RNF38: variants seen among roughly 807,000 people sequenced by gnomAD.
RNF38 encodes ring finger protein 38.
RNF38 carries 15 observed loss-of-function variants against 67.2 expected under a neutral mutation model. The observed-to-expected ratio is 0.22, with a 90% CI of 0.15 to 0.34. The LOEUF is 0.34. Ranked by LOEUF, RNF38 falls within the 10% of genes least tolerant of loss-of-function variation. RNF38 has a pLI of 1.00. For synonymous variants in RNF38, 220 were observed against 218.8 expected (o/e 1.01, Z -0.05); for missense variants, 524 against 639.9 (o/e 0.82, Z 1.95).
At position 36,465,773 on chromosome 9, in the gene RNF38, G is replaced by A. The variant is rs1262883886; in HGVS notation, n.241+21535C>T. Among the ~76,000 whole-genome samples the A allele has an allele frequency of 7.2e-5, 11 of 152,226 alleles. No homozygotes were observed. In the East Asian group the frequency reaches 7.7e-4, roughly 11 times the overall value. ...TACAAAAAGTAACAAAGTGCTGGCCGGGCGCGGTGGCTCACGCCTGTAATC... is the reference window on the plus strand; with the variant it reads ...TACAAAAAGTAACAAAGTGCTGGCCAGGCGCGGTGGCTCACGCCTGTAATC... On this transcript the variant is annotated intron_variant and non_coding_transcript_variant, in intron 1 of 3. Coordinates refer to the RNF38 transcript ENST00000488058.
intron 1 of RNF38, among the ~76,000 whole-genome samples, chr9:36,482,090 G>C (rs972296257): frequency 1.2e-4 from 11 of 93,874 alleles, no homozygotes; most frequent in Non-Finnish European, 2.0e-4. Context: ...TTTCGCTCTT[G>C]TTGCCCAGGC....
Position 36,365,688 on chromosome 9 carries a change from C to T in RNF38, c.570+4031G>A, listed in dbSNP as rs1256686155. On this transcript the variant is annotated intron_variant, in intron 4 of 11. Coordinates refer to ENST00000259605, the MANE Select transcript of RNF38 (RefSeq NM_022781.5). ...TTTTTTTTTTTTTTTTTTTTTGAGA[C>T]GGAGCCTTGCTCTGTGGCCCAGACT... Among the ~76,000 whole-genome samples the T allele has an allele frequency of 1.5e-4, 9 of 60,666 alleles. No individual in the cohort carries two copies. The South Asian group carries it at 1.6e-3, about 11-fold the overall frequency. The allele number at this position is 60,666 out of a possible 152,430, so 39.8% of individuals were successfully genotyped here. A position where few individuals can be genotyped will look rare whatever the true frequency, so the allele number is the denominator to read the frequency against.
At chr9:36,392,722 A>G (rs2134043679) in intron 1 of RNF38, among the ~76,000 whole-genome samples, 1 of 152,354 alleles carries the variant, frequency 6.6e-6, no homozygotes, top group Admixed American at 6.5e-5. Context: ...CTATGACTGC[A>G]ATACTATACT....
intron 6 of RNF38, among the ~76,000 whole-genome samples, 185 bp from the exon 7 acceptor site, chr9:36,353,516 C>T (rs1833856000): frequency 6.6e-6 from 1 of 152,066 alleles, no homozygotes; most frequent in South Asian, 2.1e-4. Context: ...GTAAAATCTT[C>T]CTAACTTTGA....
At chr9:36,468,361 A>C (rs1432503154) in intron 1 of RNF38, among the ~76,000 whole-genome samples, 1 of 152,164 alleles carries the variant, frequency 6.6e-6, no homozygotes, top group Non-Finnish European at 1.5e-5. Context: ...TGAGAGGTGA[A>C]GGGATAAATA....
chr9:36,457,476 G>A (rs776189990), intron 1 of RNF38, among the ~76,000 whole-genome samples: 25 of 152,164 alleles, frequency 1.6e-4, no homozygotes, highest in Non-Finnish European at 3.4e-4. Flanking sequence ...GAAAGTCTGC[G>A]ATGGGCACAG....
chr9:36,389,419 G>A (rs556043187), intron 2 of RNF38, among the ~76,000 whole-genome samples: 23 of 151,444 alleles, frequency 1.5e-4, no homozygotes, highest in Non-Finnish European at 3.2e-4. Flanking sequence ...CAAATACATA[G>A]TAGACAAGAT....
chr9:36,417,253 C>T (rs1196449746), intron 2 of RNF38, among the ~76,000 whole-genome samples: 2 of 152,110 alleles, frequency 1.3e-5, no homozygotes, highest in Non-Finnish European at 2.9e-5. Context: ...CGACAAGCCG[C>T]TTATTTCAAA....
rs150860088 is a variant in RNF38, at chr9:36,385,439, C to T, written c.162+5028G>A. ...TGTCATCCAGGCTGGAGTGCAATGG[C>T]GCGATCTCGGCTCACAGTAACCTCC... On this transcript the variant is annotated intron_variant, in intron 2 of 11. Coordinates refer to ENST00000259605, the MANE Select transcript of RNF38 (RefSeq NM_022781.5). Among the ~76,000 whole-genome samples, 20 of 149,568 alleles carry T rather than the reference C, an allele frequency of 1.3e-4. 1 individual carries two copies. In the East Asian group the frequency reaches 3.8e-3, roughly 28 times the overall value.
At chr9:36,429,994 A>C (rs754332335) in intron 1 of RNF38, among the ~76,000 whole-genome samples, 145 of 152,224 alleles carry the variant, frequency 9.5e-4, no homozygotes, top group Admixed American at 2.9e-3. Context: ...CTTGGTTATT[A>C]ATTTTATAAA....
At chr9:36,372,447 C>T (rs1587537633) in intron 3 of RNF38, 2 of 642,666 alleles carry the variant, frequency 3.1e-6, no homozygotes, top group South Asian at 1.8e-5. Context: ...TTAATAGTAT[C>T]CCTCTTTCAC....
At chr9:36,400,327 T>A (rs987197338), upstream of RNF38, 65 of 1,250,832 alleles carry the variant, frequency 5.2e-5, no homozygotes, top group Non-Finnish European at 6.1e-5. Context: ...TCATTTCACC[T>A]GCGTCTCGGC....
chr9:36,463,677 C>T (rs1285088574), intron 1 of RNF38, among the ~76,000 whole-genome samples: 2 of 152,144 alleles, frequency 1.3e-5, no homozygotes, highest in African/African-American at 4.8e-5. Context: ...GTACATATTA[C>T]ATTTGAACAA....
intron 9 of RNF38, 72 bp downstream of exon 9, chr9:36,351,043 T>TA (rs1408032948): frequency 9.0e-7 from 1 of 1,116,898 alleles, no homozygotes; most frequent in Non-Finnish European, 1.3e-6. Context: ...ACCTGTGGTT[T>TA]AAAGAGTTAA....
At chr9:36,420,547 A>AAAAAAAAAAAAAAAAAAAAAG (rs1838597781) in intron 2 of RNF38, among the ~76,000 whole-genome samples, 1 of 150,402 alleles carries the variant, frequency 6.6e-6, no homozygotes, top group African/African-American at 2.4e-5. Flanking sequence ...AAAAAAAAAA[A>AAAAAAAAAAAAAAAAAAAAAG]GAGGACAACC....
intron 1 of RNF38, among the ~76,000 whole-genome samples, chr9:36,449,700 G>T (rs1274460630): frequency 6.6e-6 from 1 of 152,134 alleles, no homozygotes; most frequent in African/African-American, 2.4e-5. Context: ...CTCCCAAAGT[G>T]CTGGGATTAC....
At chr9:36,398,394 C>T (rs1837709865) in intron 1 of RNF38, among the ~76,000 whole-genome samples, 1 of 152,084 alleles carries the variant, frequency 6.6e-6, no homozygotes, top group Non-Finnish European at 1.5e-5. Flanking sequence ...CATAGCAAAA[C>T]CCGTTTCTGG....
intron 2 of RNF38, among the ~76,000 whole-genome samples, chr9:36,377,760 A>T (rs548443277): frequency 6.2e-4 from 95 of 152,298 alleles, no homozygotes; most frequent in African/African-American, 2.1e-3. Context: ...ATATACTTTA[A>T]ATCTCTAGAT....
chr9:36,448,968 T>C (rs917342730), intron 1 of RNF38, among the ~76,000 whole-genome samples: 2 of 152,014 alleles, frequency 1.3e-5, no homozygotes, highest in Non-Finnish European at 2.9e-5. Flanking sequence ...CACTCCAGCC[T>C]GGGCGACAAA....
Sources: gnomAD v4.1 joint callset for allele counts (sites outside exome capture counted in the v4.1 genomes callset) on GRCh38, gnomAD v4.1.1 for gene constraint, MANE v1.5 for transcripts, NCBI Gene and HGNC (gene_info 2026-07-23, HGNC 2026-07-21) for gene names.